Variants in GPHN observed in about 807,000 individuals in gnomAD.
The protein encoded by GPHN is gephyrin.
In GPHN, 17 loss-of-function variants were observed where a neutral mutation model predicts 95.5. The observed-to-expected ratio is 0.18, with a 90% CI of 0.12 to 0.27. GPHN has a LOEUF of 0.27. Ranked by LOEUF, GPHN falls within the 10% of genes least tolerant of loss-of-function variation. The pLI is 1.00. For synonymous variants in GPHN, 320 were observed against 322.5 expected, an observed-to-expected ratio of 0.99 and a Z score of 0.08; for missense variants, 660 against 978.1, an observed-to-expected ratio of 0.67 and a Z score of 4.34.
At chr14:67,217,667 G>T in the GPHN span, among the ~76,000 whole-genome samples, 1 of 151,988 alleles carries the variant, frequency 6.6e-6, no homozygotes, top group Non-Finnish European at 1.5e-5. Flanking sequence ...AGCATTTTTT[G>T]TAAGGCCAAT....
At chr14:67,184,991 T>C (rs528048019), downstream of GPHN, among the ~76,000 whole-genome samples, 9 of 152,174 alleles carry the variant, frequency 5.9e-5, no homozygotes, top group East Asian at 1.7e-3. Context: ...GCAAAAGAAA[T>C]ACCAAGAAGG....
At chr14:67,309,915 T>C in the GPHN span, among the ~76,000 whole-genome samples, 1 of 152,168 alleles carries the variant, frequency 6.6e-6, no homozygotes. Context: ...GTACTTTGAT[T>C]TGATCTTTGA....
At chr14:67,398,856 C>T in the GPHN span, among the ~76,000 whole-genome samples, 16 of 152,292 alleles carry the variant, frequency 1.1e-4, no homozygotes, top group African/African-American at 3.6e-4. Flanking sequence ...CCACCATGCC[C>T]GGTCCCTGTT....
At chr14:67,259,301 A>G in the GPHN span, among the ~76,000 whole-genome samples, 11 of 151,896 alleles carry the variant, frequency 7.2e-5, no homozygotes, top group African/African-American at 2.7e-4. Flanking sequence ...GTAAAAAATA[A>G]TGGACTACTT....
chr14:66,651,729 C>G (rs1296256766), intron 1 of GPHN, among the ~76,000 whole-genome samples: 1 of 152,046 alleles, frequency 6.6e-6, no homozygotes, highest in East Asian at 1.9e-4. Flanking sequence ...TTGCCAACAT[C>G]CTGTCTTTGT....
At chr14:67,399,273 AG>A in the GPHN span, among the ~76,000 whole-genome samples, 189 of 147,642 alleles carry the variant, frequency 1.3e-3, 3 homozygotes, top group Non-Finnish European at 2.3e-3. Context: ...AGGGTCGTTT[AG>A]GTGGTTCTCA....
At chr14:67,387,572 T>G in the GPHN span, 1 of 1,077,840 alleles carries the variant, frequency 9.3e-7, no homozygotes, top group Non-Finnish European at 1.3e-6. Context: ...ATGTATTTAT[T>G]AAATAAAAGG....
chr14:67,452,190 G>T, the GPHN span, among the ~76,000 whole-genome samples: 5 of 152,010 alleles, frequency 3.3e-5, no homozygotes, highest in Non-Finnish European at 5.9e-5. Context: ...AAATTAGCCG[G>T]GTGTGATGGT....
At chr14:67,376,125 T>C in the GPHN span, among the ~76,000 whole-genome samples, 2 of 150,630 alleles carry the variant, frequency 1.3e-5, no homozygotes, top group Non-Finnish European at 2.9e-5. Flanking sequence ...GTTTTCCATT[T>C]ATAGTGTGTG....
chr14:67,581,890 C>T, the GPHN span: 2 of 601,446 alleles, frequency 3.3e-6, no homozygotes, highest in Non-Finnish European at 5.8e-6. Flanking sequence ...CAGCATGACC[C>T]TGCATCTGCT....
chr14:67,134,838 CCTT>C (rs2079946071), intron 17 of GPHN, among the ~76,000 whole-genome samples: 1 of 146,816 alleles, frequency 6.8e-6, no homozygotes, highest in South Asian at 2.3e-4. Flanking sequence ...CTTTCTTTTT[CCTT>C]CTTTCTTTCT....
At chr14:67,502,707 C>T in the GPHN span, among the ~76,000 whole-genome samples, 1 of 151,958 alleles carries the variant, frequency 6.6e-6, no homozygotes, top group Non-Finnish European at 1.5e-5. Flanking sequence ...CCACCATGGC[C>T]TCCCAAAGTG....
intron 3 of GPHN, among the ~76,000 whole-genome samples, chr14:66,814,996 T>A (rs142218697): frequency 5.1e-4 from 77 of 152,142 alleles, no homozygotes; most frequent in African/African-American, 1.7e-3. Flanking sequence ...AAAAACACAC[T>A]GCAGGAAGTT....
chr14:67,478,625 G>A, the GPHN span, among the ~76,000 whole-genome samples: 2 of 152,190 alleles, frequency 1.3e-5, no homozygotes, highest in Non-Finnish European at 2.9e-5. Context: ...CCCTGGGGAC[G>A]GCTGGCAAAG....
chr14:67,279,798 T>C, the GPHN span: 1 of 365,946 alleles, frequency 2.7e-6, no homozygotes, highest in East Asian at 3.9e-5. Flanking sequence ...GGCCCTAACA[T>C]TTAAAGCCTT....
At chr14:67,419,717 C>T in the GPHN span, among the ~76,000 whole-genome samples, 6 of 152,052 alleles carry the variant, frequency 3.9e-5, no homozygotes, top group East Asian at 1.9e-4. Flanking sequence ...GGCGTGGTGG[C>T]GGGCTCCTGT....
chr14:67,016,452 T>G lies in GPHN; in HGVS notation c.964-7181T>G, dbSNP rs536897068. 2.0e-5 allele frequency among the ~76,000 whole-genome samples: 3 copies of G among 152,210 alleles called. No homozygotes were observed. In the East Asian group the frequency reaches 5.8e-4, roughly 29 times the overall value. On this transcript the variant is annotated intron_variant, in intron 9 of 22. Transcript: ENST00000478722. ...TTATAACCATTGAAGTAAAAGGTTCTGTTAATATTACTGTGATTTGTTGCC... is the reference window on the plus strand; with the variant it reads ...TTATAACCATTGAAGTAAAAGGTTCGGTTAATATTACTGTGATTTGTTGCC...
At chr14:67,247,746 T>C in the GPHN span, among the ~76,000 whole-genome samples, 102 of 151,976 alleles carry the variant, frequency 6.7e-4, no homozygotes, top group Non-Finnish European at 1.0e-4. Context: ...CCCAGCTAAT[T>C]TTTTGTATTT....
chr14:66,982,312 G>A (rs940134750), intron 9 of GPHN, among the ~76,000 whole-genome samples: 2 of 151,914 alleles, frequency 1.3e-5, no homozygotes, highest in Admixed American at 1.3e-4. Flanking sequence ...TTAGGATCCA[G>A]GCAATTTCTT....
Sources: gnomAD v4.1 joint callset for allele counts (sites outside exome capture counted in the v4.1 genomes callset) on GRCh38, gnomAD v4.1.1 for gene constraint, MANE v1.5 for transcripts, NCBI Gene and HGNC (gene_info 2026-07-23, HGNC 2026-07-21) for gene names.